Variants in NCKAP5 observed in about 807,000 individuals in gnomAD.
NCKAP5 encodes nck-associated protein 5.
A neutral mutation model predicts 167.0 loss-of-function variants in NCKAP5; 92 were observed. That is an observed-to-expected ratio of 0.55 (90% CI 0.47 to 0.66). The LOEUF is 0.66. Ranked by LOEUF, NCKAP5 falls within the 30% of genes least tolerant of loss-of-function variation. The pLI, the probability that NCKAP5 is intolerant of heterozygous loss-of-function variation, is 0.00. For synonymous variants in NCKAP5, 891 were observed against 877.4 expected, an observed-to-expected ratio of 1.02 and a Z score of -0.27; for missense variants, 2,378 against 2,315.0, an observed-to-expected ratio of 1.03 and a Z score of -0.56.
chr2:133,012,799 T>C (rs148882921), intron 6 of NCKAP5, among the ~76,000 whole-genome samples: 3 of 152,220 alleles, frequency 2.0e-5, no homozygotes, highest in Admixed American at 2.0e-4. Flanking sequence ...TCTCAAATCA[T>C]TTACTGCCCC....
intron 11 of NCKAP5, among the ~76,000 whole-genome samples, chr2:132,838,801 T>C (rs1688084219): frequency 6.6e-6 from 1 of 152,208 alleles, no homozygotes; most frequent in Admixed American, 6.5e-5. Context: ...GAATAGCTAT[T>C]GCCAGCTGCC....
chr2:133,129,563 C>T (rs1009546296), intron 6 of NCKAP5, among the ~76,000 whole-genome samples: 1 of 152,170 alleles, frequency 6.6e-6, no homozygotes, highest in African/African-American at 2.4e-5. Flanking sequence ...CATACGTGTG[C>T]ATGTGTCTTT....
At chr2:133,381,997 A>C (rs912439269) in intron 3 of NCKAP5, among the ~76,000 whole-genome samples, 3 of 152,212 alleles carry the variant, frequency 2.0e-5, no homozygotes, top group Non-Finnish European at 4.4e-5. Context: ...GATCTCCCCA[A>C]GGTATTCCAA....
chr2:133,219,118 C>T (rs541732080), intron 4 of NCKAP5, among the ~76,000 whole-genome samples: 2 of 152,236 alleles, frequency 1.3e-5, no homozygotes, highest in African/African-American at 4.8e-5. Context: ...CTAGAAACAC[C>T]GTTTTATATC....
At chr2:133,527,104 T>C (rs1303715057) in intron 2 of NCKAP5, 1 of 152,118 alleles carries the variant, frequency 6.6e-6, no homozygotes, top group Non-Finnish European at 1.5e-5. Context: ...AGAGCTACAC[T>C]TAAAAAGCCA....
Position 133,086,978 on chromosome 2 carries a change from G to A in NCKAP5, c.341+43000C>T, listed in dbSNP as rs569595955. Among the ~76,000 whole-genome samples, 36 of 152,270 alleles carry A rather than the reference G, an allele frequency of 2.4e-4. No individual in the cohort carries two copies. The Middle Eastern group carries it at 0.017, about 72-fold the overall frequency. On this transcript the variant is annotated intron_variant, in intron 6 of 19. Coordinates refer to ENST00000409261, the MANE Select transcript of NCKAP5 (RefSeq NM_207363.3). ...GCTTGAGTAAATTTTTAAAAATCTA[G>A]AAAAGTGATTTTTAGATGAGGGAGT... is the stretch of plus-strand genomic sequence containing the variant.
intron 4 of NCKAP5, among the ~76,000 whole-genome samples, chr2:133,238,445 G>A (rs1244649576): frequency 6.6e-6 from 1 of 152,140 alleles, no homozygotes; most frequent in Non-Finnish European, 1.5e-5. Flanking sequence ...ACTATAGAAG[G>A]CTCTCAGTCT....
rs879607068 is a variant in NCKAP5, at chr2:132,672,098, T to C, written c.*1191A>G. 4 of 152,620 alleles carry C rather than the reference T, an allele frequency of 2.6e-5. No individual in the cohort carries two copies. The highest frequency in any genetic ancestry group is 5.9e-5 in the Non-Finnish European group (4 of 68,036). The allele number at this position is 152,620 out of a possible 1,614,324, so 9.5% of individuals were successfully genotyped here. ...CTTTAAAATAGAATTTATCCTTACA[T>C]ATAAACAGTCTTTGTAGAAAAAAAA... On this transcript the variant is annotated 3_prime_UTR_variant, in exon 20 of 20. Coordinates refer to ENST00000409261, the MANE Select transcript of NCKAP5 (RefSeq NM_207363.3).
At chr2:133,063,125 G>C (rs2080067501) in intron 6 of NCKAP5, among the ~76,000 whole-genome samples, 1 of 152,164 alleles carries the variant, frequency 6.6e-6, no homozygotes, top group African/African-American at 2.4e-5. Context: ...CACACAAAAA[G>C]AGAGATCTGA....
rs1683620658 is a variant in NCKAP5 at position 133,341,991 on chromosome 2, T to C, written c.70-38881A>G. 2.0e-5 allele frequency among the ~76,000 whole-genome samples: 3 copies of C among 152,114 alleles called. No homozygotes were observed. The South Asian group carries it at 6.2e-4, about 32-fold the overall frequency. ...TCTCACTCTGTTACCCAGGCTGGAG[T>C]GCAGCGGTGCGATCTCGACTTACTG... On this transcript the variant is annotated intron_variant, in intron 3 of 19. Coordinates refer to ENST00000409261, the MANE Select transcript of NCKAP5 (RefSeq NM_207363.3).
chr2:132,744,416 A>C (rs1240511743), intron 16 of NCKAP5, among the ~76,000 whole-genome samples: 1 of 151,694 alleles, frequency 6.6e-6, no homozygotes, highest in African/African-American at 2.4e-5. Context: ...ACAGTACACT[A>C]CTAAATTTCC....
At chr2:133,153,478 T>C (rs961028772) in intron 5 of NCKAP5, among the ~76,000 whole-genome samples, 2 of 152,178 alleles carry the variant, frequency 1.3e-5, no homozygotes, top group African/African-American at 4.8e-5. Flanking sequence ...TAAAGACTAC[T>C]GATTTTTTTT....
At chr2:133,095,621 A>G (rs1045366798) in intron 6 of NCKAP5, among the ~76,000 whole-genome samples, 1 of 152,236 alleles carries the variant, frequency 6.6e-6, no homozygotes, top group Non-Finnish European at 1.5e-5. Flanking sequence ...GAGGAGAGGA[A>G]CCACTCAGCT....
chr2:133,658,807 T>C, the NCKAP5 span, among the ~76,000 whole-genome samples: 163 of 152,278 alleles, frequency 1.1e-3, no homozygotes, highest in Middle Eastern at 0.01. Context: ...AATATCCTGC[T>C]GATTCTCTGA....
At chr2:132,986,138 G>C (rs990535693) in intron 7 of NCKAP5, among the ~76,000 whole-genome samples, 1 of 152,136 alleles carries the variant, frequency 6.6e-6, no homozygotes, top group Non-Finnish European at 1.5e-5. Flanking sequence ...GCTCTCTTAA[G>C]AGTTCACTTA....
chr2:133,068,906 G>C (rs1383140011), intron 6 of NCKAP5, among the ~76,000 whole-genome samples: 1 of 152,200 alleles, frequency 6.6e-6, no homozygotes, highest in Non-Finnish European at 1.5e-5. Context: ...AAGCTAAAGA[G>C]CCAGTTAGGG....
intron 8 of NCKAP5, chr2:132,931,107 A>G (rs1696342840): frequency 6.6e-6 from 1 of 152,216 alleles, no homozygotes; most frequent in Non-Finnish European, 1.5e-5. Context: ...GAAATTTTTC[A>G]CAACAGAAAA....
chr2:132,880,924 C>T (rs986963368), intron 8 of NCKAP5, among the ~76,000 whole-genome samples: 1 of 152,074 alleles, frequency 6.6e-6, no homozygotes, highest in African/African-American at 2.4e-5. Flanking sequence ...TAAATACTTC[C>T]ACATGTGTTT....
At chr2:132,792,610 G>A (rs147511608) in intron 12 of NCKAP5, among the ~76,000 whole-genome samples, 1 of 152,300 alleles carries the variant, frequency 6.6e-6, no homozygotes, top group Non-Finnish European at 1.5e-5. Flanking sequence ...TCTGACAGAT[G>A]TGTCTACTCT....
Sources: gnomAD v4.1 joint callset for allele counts (sites outside exome capture counted in the v4.1 genomes callset) on GRCh38, gnomAD v4.1.1 for gene constraint, MANE v1.5 for transcripts, NCBI Gene and HGNC (gene_info 2026-07-23, HGNC 2026-07-21) for gene names.